The following GRHL1 variants were observed in gnomAD, a reference collection of about 807,000 sequenced individuals.
GRHL1 encodes grainyhead like transcription factor 1.
Under a neutral mutation model 75.7 loss-of-function variants are expected in GRHL1, and 38 were observed. The observed-to-expected ratio is 0.50, with a 90% CI of 0.39 to 0.66. The LOEUF is 0.66. GRHL1 is among the 30% of genes least tolerant of loss of function. The pLI, the probability that GRHL1 is intolerant of heterozygous loss-of-function variation, is 0.00. For missense variants in GRHL1, 589 were observed against 767.5 expected (o/e 0.77, Z 2.75); for synonymous variants, 266 against 279.4 (o/e 0.95, Z 0.48).
Position 9,998,501 on chromosome 2 carries a change from C to CATATATATACGTGTATATACGT in GRHL1, c.1678-452_1678-451insGTATATACGTATATATATACGT, listed in dbSNP as rs1669002260. 7.3e-4 allele frequency among the ~76,000 whole-genome samples: 5 copies of CATATATATACGTGTATATACGT among 6,892 alleles called. 1 individual carries two copies. Among genetic ancestry groups the CATATATATACGTGTATATACGT allele is most frequent in the Non-Finnish European group, 9.1e-4 (4 of 4,388 alleles). The allele number at this position is 6,892 out of a possible 152,430, so 4.5% of individuals were successfully genotyped here. ...ATATACATATATATACGTATATATA[C>CATATATATACGTGTATATACGT]ATATATATACGTATATATATACATA... On this transcript the variant is annotated intron_variant, in intron 14 of 15. Coordinates refer to ENST00000324907, the MANE Select transcript of GRHL1 (RefSeq NM_198182.3).
chr2:9,988,231 G>C (rs1668505488), intron 9 of GRHL1, among the ~76,000 whole-genome samples: 1 of 152,160 alleles, frequency 6.6e-6, no homozygotes, highest in South Asian at 2.1e-4. Flanking sequence ...TGATTTGCTA[G>C]GCGGATCTGG....
rs531907524 is a variant in GRHL1, at chr2:9,952,613, TAGTGTAATAAGGC to T, written c.20+762_20+774del. On this transcript the variant is annotated intron_variant, in intron 1 of 15. Transcript: ENST00000324907. ...GCGTATTTCGACAAATGTGAGGTGG[TAGTGTAATAAGGC>T]ATGGGGGATTAACTGGGCGAGGGAG... Among the ~76,000 whole-genome samples the T allele has an allele frequency of 9.5e-4, 144 of 152,328 alleles. 1 individual carries two copies. In the South Asian group the frequency reaches 0.014, roughly 15 times the overall value.
In GRHL1 at chr2:9,992,050, G is replaced by A; in HGVS notation, c.1365G>A (p.Met455Ile). ...KVPLLPSHKR[M>I]DITVFKPFID... ...CACTGCTTCCCTCTCACAAGCGAAT[G>A]GATATCACAGTTTTCAAACCCTTCA... Residue 455 changes from methionine to isoleucine, a missense_variant, in exon 11 of 16, where the codon ATG becomes ATA. Met to Ile is a conservative substitution (Grantham distance 10). Coordinates refer to ENST00000324907, the MANE Select transcript of GRHL1 (RefSeq NM_198182.3). This position sits in a 1 kb window ranked among gnomAD's most constrained non-coding sequence, Gnocchi z 4.6. The A allele has an allele frequency of 6.2e-7, 1 of 1,610,970 alleles. No individual in the cohort carries two copies. The highest frequency in any genetic ancestry group is 8.5e-7 in the Non-Finnish European group (1 of 1,178,076).
At position 9,985,484 on chromosome 2, in the gene GRHL1, G is replaced by A. The variant is rs181366285; in HGVS notation, c.1111-640G>A. On this transcript the variant is annotated intron_variant, in intron 8 of 15. Transcript: ENST00000324907. Reference sequence around the variant, plus strand: ...ATTTCCATACCTAGAAAGGAGTATGGAAATAATTGTAAATTACAAATCATC... The same window carrying A: ...ATTTCCATACCTAGAAAGGAGTATGAAAATAATTGTAAATTACAAATCATC... 1.7e-3 allele frequency among the ~76,000 whole-genome samples: 252 copies of A among 152,314 alleles called. 1 individual carries two copies. Among genetic ancestry groups the A allele is most frequent in the African/African-American group, 5.8e-3 (242 of 41,564 alleles).
At chr2:9,978,464 C>T (rs1668046305) in intron 8 of GRHL1, among the ~76,000 whole-genome samples, 1 of 152,118 alleles carries the variant, frequency 6.6e-6, no homozygotes. Context: ...TTGGAAGTGC[C>T]TGTAAAGGAG....
At position 9,957,630 on chromosome 2, in the gene GRHL1, C is replaced by A. The variant is rs565230993; in HGVS notation, c.208-1156C>A. On this transcript the variant is annotated intron_variant, in intron 2 of 15. Coordinates refer to ENST00000324907, the MANE Select transcript of GRHL1 (RefSeq NM_198182.3). ...TTTAACATGTTGGCCAGGATGGTCT[C>A]GATCTCTTGACCTTGTGATCCACCC... 3.3e-5 allele frequency among the ~76,000 whole-genome samples: 5 copies of A among 151,946 alleles called. No homozygotes were observed. In the East Asian group the frequency reaches 9.8e-4, roughly 30 times the overall value.
chr2:9,970,999 G>A (rs1218944807), intron 8 of GRHL1, among the ~76,000 whole-genome samples: 2 of 152,110 alleles, frequency 1.3e-5, no homozygotes, highest in African/African-American at 4.8e-5. Flanking sequence ...TTCTTGGTGA[G>A]GGATTATTGA....
intron 1 of GRHL1, chr2:9,952,882 T>G: frequency 2.6e-6 from 1 of 377,454 alleles, no homozygotes; most frequent in Non-Finnish European, 5.3e-6. Context: ...TGGAGTATCT[T>G]AAATGGATTA....
At chr2:9,966,259 G>C (rs540983452) in intron 8 of GRHL1, 3 of 152,206 alleles carry the variant, frequency 2.0e-5, no homozygotes, top group African/African-American at 4.8e-5. Context: ...GTAGCCAGGC[G>C]TGGTGGCACA....
At chr2:9,994,310 AATTATTATTATTATTATT>A (rs70948860) in intron 12 of GRHL1, among the ~76,000 whole-genome samples, 8 of 139,184 alleles carry the variant, frequency 5.7e-5, no homozygotes, top group African/African-American at 1.9e-4. Flanking sequence ...ACACCCATCT[AATTATTATTATTATTATT>A]ATTATTATTA....
Position 9,968,876 on chromosome 2 carries a change from G to A in GRHL1, c.1110+3495G>A, listed in dbSNP as rs796714280. Among the ~76,000 whole-genome samples, 12 of 152,334 alleles carry A rather than the reference G, an allele frequency of 7.9e-5. No individual in the cohort carries two copies. Among genetic ancestry groups the A allele is most frequent in the African/African-American group, 2.4e-4 (10 of 41,564 alleles). ...GATCTAGGCTCCTGCCACTAGTTCCGCAGGCCAGGTAGATAGTGGCATAAG... is the reference window on the plus strand; with the variant it reads ...GATCTAGGCTCCTGCCACTAGTTCCACAGGCCAGGTAGATAGTGGCATAAG... On this transcript the variant is annotated intron_variant, in intron 8 of 15. Transcript: ENST00000324907. This position sits in a 1 kb window ranked among gnomAD's most constrained non-coding sequence, Gnocchi z 4.7.
intron 2 of GRHL1, among the ~76,000 whole-genome samples, chr2:9,956,317 G>C (rs76737511): frequency 0.11 from 17,368 of 152,114 alleles, 988 homozygotes; most frequent in Non-Finnish European, 0.13. Flanking sequence ...TGATTAGCCT[G>C]AGCAACATGA....
intron 8 of GRHL1, among the ~76,000 whole-genome samples, chr2:9,971,083 G>C (rs1335353983): frequency 6.6e-6 from 1 of 151,990 alleles, no homozygotes; most frequent in Non-Finnish European, 1.5e-5. Flanking sequence ...TTCTGCTTGT[G>C]GGATGCAGGT....
intron 8 of GRHL1, among the ~76,000 whole-genome samples, chr2:9,981,652 A>G (rs114982310): frequency 0.012 from 1,780 of 152,370 alleles, 30 homozygotes; most frequent in African/African-American, 0.04. Flanking sequence ...TTACAGAAAA[A>G]TAGTCGCTTC....
intron 9 of GRHL1, among the ~76,000 whole-genome samples, chr2:9,988,202 C>G (rs1244977341): frequency 2.0e-5 from 3 of 152,180 alleles, no homozygotes. Context: ...ACCATCTGCT[C>G]GTTAAGATCT....
At chr2:9,988,325 A>G (rs1337555777) in intron 9 of GRHL1, among the ~76,000 whole-genome samples, 1 of 151,168 alleles carries the variant, frequency 6.6e-6, no homozygotes, top group Non-Finnish European at 1.5e-5. Flanking sequence ...TGCTCATTAC[A>G]AGTTTTCTCA....
chr2:9,990,851 C>A lies in GRHL1; in HGVS notation c.1321+104C>A. On this transcript the variant is annotated intron_variant, in intron 10 of 15. Coordinates refer to ENST00000324907, the MANE Select transcript of GRHL1 (RefSeq NM_198182.3). This position sits in a 1 kb window ranked among gnomAD's most constrained non-coding sequence, Gnocchi z 4.2. The stretch of plus-strand genomic sequence containing the variant: ...GAGAATGGTGGCTGGAGTTTGCACG[C>A]AGAAGACAGTGGGTGTTCTTCCTGT... 1 of 856,342 alleles carries A rather than the reference C, an allele frequency of 1.2e-6. No homozygotes were observed. Among genetic ancestry groups the A allele is most frequent in the Non-Finnish European group, 1.9e-6 (1 of 527,106 alleles). 53.0% of individuals were successfully genotyped at this position (856,342 alleles called of 1,614,324 possible).
At chr2:9,971,938 A>T (rs1358150586) in intron 8 of GRHL1, among the ~76,000 whole-genome samples, 1 of 152,142 alleles carries the variant, frequency 6.6e-6, no homozygotes, top group Admixed American at 6.5e-5. Context: ...TGGCTTGAAA[A>T]CATGTTCCAT....
intron 8 of GRHL1, among the ~76,000 whole-genome samples, chr2:9,975,047 T>A (rs569017421): frequency 6.6e-6 from 1 of 152,322 alleles, no homozygotes; most frequent in South Asian, 2.1e-4. Flanking sequence ...ATCTTTCCCC[T>A]CATAGAGTCG....
Sources: allele counts gnomAD v4.1 joint callset (sites outside exome capture counted in the v4.1 genomes callset), GRCh38; gene constraint gnomAD v4.1.1; non-coding constraint Gnocchi (gnomAD v3.1); transcripts MANE v1.5; gene names NCBI Gene and HGNC (gene_info 2026-07-23, HGNC 2026-07-21).